ZNF678: variants seen among roughly 807,000 people sequenced by gnomAD.
The protein encoded by ZNF678 is hypothetical protein MGC42493.
In ZNF678, 5 loss-of-function variants were observed where a neutral mutation model predicts 3.0. The observed-to-expected ratio is 1.69, with a 90% CI of 0.88 to 3.56. The LOEUF is 3.56. Among genes scored for constraint, ZNF678 ranks in the 30% most tolerant of loss-of-function variants. The pLI is 0.00. For synonymous variants in ZNF678, 218 were observed against 199.6 expected (o/e 1.09, Z -0.78); for missense variants, 593 against 605.0 (o/e 0.98, Z 0.21).
chr1:227,635,831 C>T (rs554481025), intron 1 of ZNF678, among the ~76,000 whole-genome samples: 9 of 151,966 alleles, frequency 5.9e-5, no homozygotes, highest in African/African-American at 1.7e-4. Flanking sequence ...TGGGACTGGG[C>T]CTGAGAAGGG....
chr1:227,600,849 A>G (rs1657720576), intron 1 of ZNF678, among the ~76,000 whole-genome samples: 1 of 152,112 alleles, frequency 6.6e-6, no homozygotes, highest in Non-Finnish European at 1.5e-5. Context: ...TCGTCATGAA[A>G]TCTTTGCCTG....
intron 1 of ZNF678, among the ~76,000 whole-genome samples, chr1:227,580,971 G>A (rs1434957545): frequency 6.6e-6 from 1 of 151,654 alleles, no homozygotes; most frequent in African/African-American, 2.4e-5. Context: ...AATTAATATT[G>A]CAAGAGTGAT....
At position 227,656,748 on chromosome 1, in the gene ZNF678, G is replaced by A. The variant is rs946852288; in HGVS notation, c.*920G>A. ...ATTTCAGTAGTAAATTGTTTTATGA[G>A]TTGCACATTAAGATAATACAGTAGC... On this transcript the variant is annotated 3_prime_UTR_variant, in exon 4 of 4. Transcript: ENST00000343776. 1 of 151,926 alleles carries A rather than the reference G, an allele frequency of 6.6e-6. No homozygotes were observed. Among genetic ancestry groups the A allele is most frequent in the African/African-American group, 2.4e-5 (1 of 41,402 alleles). The allele number at this position is 151,926 out of a possible 1,614,324, so 9.4% of individuals were successfully genotyped here.
intron 1 of ZNF678, among the ~76,000 whole-genome samples, chr1:227,609,925 G>A (rs994004466): frequency 3.9e-5 from 6 of 152,056 alleles, no homozygotes; most frequent in African/African-American, 7.2e-5. Flanking sequence ...AGTACAGACA[G>A]GGTTTCACCT....
chr1:227,667,947 C>G (rs1261953168), intron 5 of ZNF678, among the ~76,000 whole-genome samples: 1 of 152,122 alleles, frequency 6.6e-6, no homozygotes, highest in Non-Finnish European at 1.5e-5. Context: ...TTCTTTATCC[C>G]ACTGCCCTGA....
chr1:227,643,872 T>C (rs1414642266), intron 1 of ZNF678, among the ~76,000 whole-genome samples: 2 of 144,594 alleles, frequency 1.4e-5, no homozygotes, highest in African/African-American at 2.5e-5. Context: ...TCTTTTTTTT[T>C]TTTTTTTTTG....
At chr1:227,587,473 C>A (rs1392263473) in intron 1 of ZNF678, among the ~76,000 whole-genome samples, 3 of 152,124 alleles carry the variant, frequency 2.0e-5, no homozygotes, top group Non-Finnish European at 4.4e-5. Flanking sequence ...TTTTTACAAG[C>A]CCATTGCTAT....
At chr1:227,591,236 C>G (rs1050471864) in intron 1 of ZNF678, among the ~76,000 whole-genome samples, 7 of 148,592 alleles carry the variant, frequency 4.7e-5, no homozygotes, top group African/African-American at 7.6e-5. Flanking sequence ...CCAGCTCTAT[C>G]AATTTTTAGG....
At chr1:227,592,577 G>C (rs1473626561) in intron 1 of ZNF678, among the ~76,000 whole-genome samples, 1 of 152,202 alleles carries the variant, frequency 6.6e-6, no homozygotes, top group Non-Finnish European at 1.5e-5. Flanking sequence ...AAAGCTTGTT[G>C]CTGTTGGTTG....
chr1:227,678,812 A>C (rs2102824592), downstream of ZNF678, among the ~76,000 whole-genome samples: 1 of 152,318 alleles, frequency 6.6e-6, no homozygotes, highest in South Asian at 2.1e-4. Context: ...TAGGCCTAAA[A>C]CCAAATAGCT....
At chr1:227,578,053 G>A (rs982475697) in intron 1 of ZNF678, among the ~76,000 whole-genome samples, 5 of 152,268 alleles carry the variant, frequency 3.3e-5, no homozygotes, top group East Asian at 1.9e-4. Flanking sequence ...TAAGAATGTC[G>A]AATATTGGTC....
chr1:227,655,330 A>T lies in ZNF678; in HGVS notation c.1080A>T (p.Gln360His). 6.2e-7 allele frequency: 1 copy of T among 1,608,400 alleles called. No homozygotes were observed. The highest frequency in any genetic ancestry group is 8.5e-7 in the Non-Finnish European group (1 of 1,177,240). ...KCEECGRTFTQFSNLTQHKRI... is the reference protein window; with the variant it reads ...KCEECGRTFTHFSNLTQHKRI... ...AAGAATGTGGCAGAACCTTTACTCAATTCTCAAACCTCACTCAGCATAAAA... is the reference window on the plus strand; with the variant it reads ...AAGAATGTGGCAGAACCTTTACTCATTTCTCAAACCTCACTCAGCATAAAA... Residue 360 changes from glutamine (Q) to histidine (H), a missense_variant, in exon 4 of 4, where the codon CAA (glutamine) becomes CAT (histidine). Transcript: ENST00000343776.
In ZNF678 at chr1:227,655,755, C is replaced by A. The variant is rs1351782749; in HGVS notation, c.1505C>A (p.Ser502Ter). The A allele has an allele frequency of 1.2e-6, 2 of 1,611,516 alleles. No individual in the cohort carries two copies. The change falls in exon 4 of 4, where the codon TCA (serine) becomes TAA (stop). Residue 502 changes from serine to a stop codon, truncating the protein, a stop_gained. Coordinates refer to ENST00000343776, the MANE Select transcript of ZNF678 (RefSeq NM_001367909.1). LOFTEE classifies it low-confidence loss of function (END_TRUNC). ...TGTGGAAAAGGTTTTTACCAATCCT[C>A]AATCCATAGTAAGTATAAGAGAATT... ...KECGKGFYQS[S>*]IHSKYKRIYT...
chr1:227,586,409 T>G (rs1571866593), intron 1 of ZNF678, among the ~76,000 whole-genome samples: 1 of 152,250 alleles, frequency 6.6e-6, no homozygotes, highest in East Asian at 1.9e-4. Context: ...AGTAAAACAA[T>G]GTTCCACCAA....
At chr1:227,591,390 C>G (rs1657410032) in intron 1 of ZNF678, among the ~76,000 whole-genome samples, 1 of 152,086 alleles carries the variant, frequency 6.6e-6, no homozygotes, top group Non-Finnish European at 1.5e-5. Context: ...TTTAAGTAGC[C>G]TAAATGACAC....
intron 1 of ZNF678, among the ~76,000 whole-genome samples, chr1:227,594,366 G>A (rs955970369): frequency 1.2e-4 from 19 of 152,122 alleles, no homozygotes; most frequent in African/African-American, 4.3e-4. Flanking sequence ...TGACCATAAG[G>A]TAAGATTTTA....
intron 1 of ZNF678, among the ~76,000 whole-genome samples, chr1:227,640,629 C>T (rs925663134): frequency 6.6e-6 from 1 of 152,096 alleles, no homozygotes; most frequent in Non-Finnish European, 1.5e-5. Flanking sequence ...ATTGTAAAGT[C>T]GAATGTTCTA....
At chr1:227,647,898 G>T (rs962540177) in intron 2 of ZNF678, among the ~76,000 whole-genome samples, 1 of 152,074 alleles carries the variant, frequency 6.6e-6, no homozygotes, top group Non-Finnish European at 1.5e-5. Context: ...CAAGAGTAGT[G>T]GTATATTGGC....
chr1:227,620,777 AGTGTGTG>A (rs1346213423), intron 1 of ZNF678, among the ~76,000 whole-genome samples: 4 of 152,212 alleles, frequency 2.6e-5, no homozygotes, highest in Non-Finnish European at 5.9e-5. Context: ...AATAGCGTAC[AGTGTGTG>A]GCATTATTAG....
Sources: allele counts gnomAD v4.1 joint callset (sites outside exome capture counted in the v4.1 genomes callset), GRCh38; gene constraint gnomAD v4.1.1; transcripts MANE v1.5; gene names NCBI Gene and HGNC (gene_info 2026-07-23, HGNC 2026-07-21).